ACOX3: variants seen among roughly 807,000 people sequenced by gnomAD.
ACOX3 encodes the protein peroxisomal acyl-coenzyme A oxidase 3.
ACOX3 carries 73 observed loss-of-function variants against 81.5 expected under a neutral mutation model. The ratio of observed to expected loss-of-function variants is 0.90; its 90% CI spans 0.74 to 1.09. The LOEUF (loss-of-function observed/expected upper bound fraction) is 1.09. Ranked by LOEUF, ACOX3 falls within the 50% of genes least tolerant of loss-of-function variation. The probability of loss-of-function intolerance (pLI) is 0.00; values close to 1 mark genes in which losing one functional copy is unlikely to be tolerated. For synonymous variants in ACOX3, 387 were observed against 375.1 expected (o/e 1.03, Z -0.37); for missense variants, 947 against 928.0 (o/e 1.02, Z -0.27).
the ACOX3 span, among the ~76,000 whole-genome samples, chr4:8,359,757 G>A: frequency 3.3e-5 from 5 of 152,256 alleles, no homozygotes; most frequent in South Asian, 4.2e-4. The surrounding 1 kb of genome is among the most constrained non-coding windows in gnomAD (Gnocchi z 6.0). Context: ...CTCCCTGAGC[G>A]CCTCGCCTTC....
downstream of ACOX3, among the ~76,000 whole-genome samples, chr4:8,364,841 T>C (rs1372777391): frequency 3.3e-5 from 5 of 152,112 alleles, no homozygotes; most frequent in African/African-American, 1.2e-4. The surrounding 1 kb of genome is among the most constrained non-coding windows in gnomAD (Gnocchi z 5.0). Context: ...TGAAAACCCC[T>C]CCGGAGATGC....
chr4:8,356,058 G>C, the ACOX3 span: 1 of 195,990 alleles, frequency 5.1e-6, no homozygotes, highest in Non-Finnish European at 1.1e-5. Context: ...CTACATTCTA[G>C]AGGGAATGAG....
chr4:8,409,655 C>G lies in ACOX3; in HGVS notation c.687+557G>C, dbSNP rs529694118. Among the ~76,000 whole-genome samples the G allele has an allele frequency of 5.6e-5, 8 of 141,782 alleles. No individual in the cohort carries two copies. The East Asian group carries it at 1.5e-3, about 27-fold the overall frequency. The allele number at this position is 141,782 out of a possible 152,430, so 93.0% of individuals were successfully genotyped here. ...CACTGTGGGCAGGGCTGTCTGTGCA[C>G]TGTGGGCAGGACTGTCTGCACTGTG... On this transcript the variant is annotated intron_variant, in intron 6 of 17. Coordinates refer to ENST00000356406, the MANE Select transcript of ACOX3 (RefSeq NM_003501.3).
At chr4:8,365,200 G>C (rs1361744036), downstream of ACOX3, among the ~76,000 whole-genome samples, 3 of 152,200 alleles carry the variant, frequency 2.0e-5, no homozygotes, top group East Asian at 5.8e-4. Flanking sequence ...AGCCTCAGTG[G>C]GGAATGAGCC....
At position 8,373,509 on chromosome 4, in the gene ACOX3, T is replaced by G. The variant is rs1450951804; in HGVS notation, c.1896+52A>C. 6 of 1,596,522 alleles carry G rather than the reference T, an allele frequency of 3.8e-6. No individual in the cohort carries two copies. In the East Asian group the frequency reaches 1.3e-4, roughly 36 times the overall value. The stretch of plus-strand genomic sequence containing the variant: ...GATGCTAAGGGGATGCGTGTCGCTC[T>G]GGGCGGTTGTGTAACATGGATGTAG... On this transcript the variant is annotated intron_variant, in intron 16 of 17. Coordinates refer to ENST00000356406, the MANE Select transcript of ACOX3 (RefSeq NM_003501.3).
Position 8,394,512 on chromosome 4 carries a change from C to A in ACOX3, c.1179+108G>T. The A allele has an allele frequency of 1.1e-5, 17 of 1,485,052 alleles. No homozygotes were observed. The highest frequency in any genetic ancestry group is 1.5e-5 in the Non-Finnish European group (17 of 1,109,194). The allele number at this position is 1,485,052 out of a possible 1,614,324, so 92.0% of individuals were successfully genotyped here. On this transcript the variant is annotated intron_variant, in intron 10 of 17. Transcript: ENST00000356406. The surrounding 1 kb of genome is among the most constrained non-coding windows in gnomAD (Gnocchi z 5.9). ...GGGAACAACTGGAGGAATGCTCTGT[C>A]CTCGCAAATCAAAGGACTGATTTTG... is the stretch of plus-strand genomic sequence containing the variant.
At chr4:8,415,408 A>C (rs1039648895) in intron 3 of ACOX3, among the ~76,000 whole-genome samples, 1 of 151,452 alleles carries the variant, frequency 6.6e-6, no homozygotes, top group African/African-American at 2.4e-5. Context: ...CTACTTTTTA[A>C]ATTTTTTTAT....
intron 5 of ACOX3, among the ~76,000 whole-genome samples, chr4:8,413,423 C>G: frequency 6.8e-6 from 1 of 146,434 alleles, no homozygotes; most frequent in South Asian, 2.2e-4. Context: ...CATCTGTGGC[C>G]CGTCTCACTG....
downstream of ACOX3, among the ~76,000 whole-genome samples, chr4:8,366,049 G>T (rs1476401523): frequency 6.6e-6 from 1 of 152,158 alleles, no homozygotes; most frequent in African/African-American, 2.4e-5. Flanking sequence ...GCCCTGAGCT[G>T]ATCAGAGGTT....
At chr4:8,359,517 A>G in the ACOX3 span, among the ~76,000 whole-genome samples, 1 of 152,172 alleles carries the variant, frequency 6.6e-6, no homozygotes, top group Non-Finnish European at 1.5e-5. The surrounding 1 kb of genome is among the most constrained non-coding windows in gnomAD (Gnocchi z 6.0). Context: ...GTTTGGCACT[A>G]TGGGATGTTA....
chr4:8,365,234 T>G (rs1014942658), downstream of ACOX3, among the ~76,000 whole-genome samples: 1 of 152,206 alleles, frequency 6.6e-6, no homozygotes, highest in African/African-American at 2.4e-5. Flanking sequence ...CAGGCACCAC[T>G]GACGTGTTCT....
intron 8 of ACOX3, among the ~76,000 whole-genome samples, chr4:8,398,916 C>T (rs13139522): frequency 0.22 from 33,014 of 152,130 alleles, 4,169 homozygotes; most frequent in African/African-American, 0.35. Context: ...TTAACATCTC[C>T]GTTTGTGAGC....
At chr4:8,413,094 C>T (rs1404673315) in intron 5 of ACOX3, among the ~76,000 whole-genome samples, 3 of 140,532 alleles carry the variant, frequency 2.1e-5, no homozygotes, top group African/African-American at 8.2e-5. Flanking sequence ...CTGACAGCCC[C>T]AGGGCATCCA....
downstream of ACOX3, among the ~76,000 whole-genome samples, chr4:8,362,924 G>A (rs532743808): frequency 1.3e-4 from 20 of 152,256 alleles, no homozygotes; most frequent in Admixed American, 5.2e-4. Flanking sequence ...CAAACAATCA[G>A]GCCAAGTATA....
At chr4:8,364,986 C>T (rs1209982495), downstream of ACOX3, among the ~76,000 whole-genome samples, 1 of 152,086 alleles carries the variant, frequency 6.6e-6, no homozygotes, top group East Asian at 1.9e-4. This position sits in a 1 kb window ranked among gnomAD's most constrained non-coding sequence, Gnocchi z 5.0. Context: ...GACTTGGGAG[C>T]CTGTTCCTTC....
intron 13 of ACOX3, among the ~76,000 whole-genome samples, chr4:8,388,124 C>T (rs1405669099): frequency 6.6e-6 from 1 of 152,262 alleles, no homozygotes; most frequent in Non-Finnish European, 1.5e-5. Flanking sequence ...CCTCCGCCTC[C>T]TGACACACCC....
At position 8,370,273 on chromosome 4, in the gene ACOX3, T is replaced by C. The variant is rs1203965431; in HGVS notation, c.1983+635A>G. ...GGAGGGGAGCGTGGGGTGAAGGGCC[T>C]TGGAAGGATTCAGTGGCTGTGTGGG... On this transcript the variant is annotated intron_variant, in intron 17 of 17. Coordinates refer to ENST00000356406, the MANE Select transcript of ACOX3 (RefSeq NM_003501.3). This position sits in a 1 kb window ranked among gnomAD's most constrained non-coding sequence, Gnocchi z 6.3. 6.6e-6 allele frequency among the ~76,000 whole-genome samples: 1 copy of C among 151,986 alleles called. No individual in the cohort carries two copies. Among genetic ancestry groups the C allele is most frequent in the African/African-American group, 2.4e-5 (1 of 41,388 alleles).
Position 8,389,758 on chromosome 4 carries a change from C to G in ACOX3, c.1301-24G>C, listed in dbSNP as rs1718743486. On this transcript the variant is annotated intron_variant, in intron 11 of 17. Transcript: ENST00000356406. The surrounding 1 kb of genome is among the most constrained non-coding windows in gnomAD (Gnocchi z 5.3). ...CACTGCAACAAAGCCACAATAGTAC[C>G]ATCATTTAAGACGCATATTTGAGAA... The G allele has an allele frequency of 1.9e-6, 3 of 1,612,008 alleles. No individual in the cohort carries two copies. The highest frequency in any genetic ancestry group is 2.7e-5 in the African/African-American group (2 of 74,876).
At position 8,368,730 on chromosome 4, in the gene ACOX3, C is replaced by CTT. The variant is rs1427735857; in HGVS notation, c.1984-1652_1984-1651dup. Among the ~76,000 whole-genome samples, 15 of 139,282 alleles carry CTT rather than the reference C, an allele frequency of 1.1e-4. No homozygotes were observed. The highest frequency in any genetic ancestry group is 1.1e-4 in the African/African-American group (4 of 38,060). The allele number at this position is 139,282 out of a possible 152,430, so 91.4% of individuals were successfully genotyped here. On this transcript the variant is annotated intron_variant, in intron 17 of 17. Transcript: ENST00000356406. The surrounding 1 kb of genome is among the most constrained non-coding windows in gnomAD (Gnocchi z 5.9). ...GTTCCTTGCAACTGGAAGGAATGCA[C>CTT]TTTTTTTTTTTTTTTTGAGATGAGG...
Sources: gnomAD v4.1 joint callset for allele counts (sites outside exome capture counted in the v4.1 genomes callset) on GRCh38, gnomAD v4.1.1 for gene constraint, Gnocchi (gnomAD v3.1) non-coding constraint, MANE v1.5 for transcripts, NCBI Gene and HGNC (gene_info 2026-07-23, HGNC 2026-07-21) for gene names.